The following TENM2 variants were observed in gnomAD, a reference collection of about 807,000 sequenced individuals.
The protein encoded by TENM2 is teneurin transmembrane protein 2, also known as teneurin-2.
Under a neutral mutation model 245.2 loss-of-function variants are expected in TENM2, and 52 were observed. The ratio of observed to expected loss-of-function variants is 0.21; its 90% CI spans 0.17 to 0.27. The LOEUF is 0.27. Among genes scored for constraint, TENM2 ranks in the 10% least tolerant of loss-of-function variants. TENM2 has a pLI of 1.00. For synonymous variants in TENM2, 1,363 were observed against 1,438.9 expected, an observed-to-expected ratio of 0.95 and a Z score of 1.19; for missense variants, 3,046 against 3,666.8, an observed-to-expected ratio of 0.83 and a Z score of 4.37.
chr5:167,933,999 G>A (rs929505627), intron 3 of TENM2, among the ~76,000 whole-genome samples: 6 of 152,186 alleles, frequency 3.9e-5, no homozygotes, highest in African/African-American at 1.2e-4. Flanking sequence ...GTGTGCCAAA[G>A]GAGATGACAG....
intron 20 of TENM2, among the ~76,000 whole-genome samples, chr5:168,213,778 G>A (rs1762969130): frequency 6.6e-6 from 1 of 152,184 alleles, no homozygotes; most frequent in Non-Finnish European, 1.5e-5. Flanking sequence ...AGGCTGCAGT[G>A]AGCTAGAATT....
chr5:167,538,089 C>T (rs1436051410), intron 2 of TENM2, among the ~76,000 whole-genome samples: 4 of 152,150 alleles, frequency 2.6e-5, no homozygotes, highest in South Asian at 2.1e-4. Context: ...CTTGCCTCAT[C>T]GGCAAAATGG....
chr5:168,068,526 T>G (rs1262387381), intron 7 of TENM2, among the ~76,000 whole-genome samples: 1 of 152,136 alleles, frequency 6.6e-6, no homozygotes, highest in Non-Finnish European at 1.5e-5. Context: ...TGTATATGTA[T>G]GTTTGTGTAT....
the TENM2 span, among the ~76,000 whole-genome samples, chr5:167,155,299 A>G: frequency 6.6e-6 from 1 of 152,214 alleles, no homozygotes; most frequent in Non-Finnish European, 1.5e-5. Flanking sequence ...CCTGTGTCCC[A>G]AAAATATTAA....
the TENM2 span, among the ~76,000 whole-genome samples, chr5:167,142,585 C>T: frequency 6.6e-6 from 1 of 152,124 alleles, no homozygotes; most frequent in African/African-American, 2.4e-5. Flanking sequence ...GAGTCTCACT[C>T]TTTCACCCAG....
intron 4 of TENM2, among the ~76,000 whole-genome samples, chr5:167,964,174 T>G (rs1326364525): frequency 6.6e-6 from 1 of 152,216 alleles, no homozygotes; most frequent in Non-Finnish European, 1.5e-5. Flanking sequence ...AGTGACAAGG[T>G]GAGAAATCTT....
At chr5:167,490,474 C>G (rs1768360251) in intron 2 of TENM2, among the ~76,000 whole-genome samples, 1 of 151,946 alleles carries the variant, frequency 6.6e-6, no homozygotes, top group South Asian at 2.1e-4. Context: ...ATTTGCATGT[C>G]TTCTTTCATG....
the TENM2 span, among the ~76,000 whole-genome samples, chr5:167,204,898 G>C: frequency 5.3e-5 from 8 of 152,224 alleles, no homozygotes; most frequent in South Asian, 1.7e-3. Context: ...AAAGAGACTG[G>C]GTTAACTGAA....
At chr5:167,395,377 G>A (rs1314824696) in intron 2 of TENM2, among the ~76,000 whole-genome samples, 3 of 152,102 alleles carry the variant, frequency 2.0e-5, no homozygotes, top group Non-Finnish European at 4.4e-5. Context: ...GTTCTAACAG[G>A]TTGTGGGGTT....
intron 2 of TENM2, among the ~76,000 whole-genome samples, chr5:167,708,096 G>A (rs1425949209): frequency 2.6e-5 from 4 of 152,146 alleles, no homozygotes; most frequent in Non-Finnish European, 5.9e-5. Flanking sequence ...GATCTTATCT[G>A]AAATTCTGAT....
At chr5:167,705,692 A>G (rs1758456253) in intron 2 of TENM2, among the ~76,000 whole-genome samples, 1 of 152,060 alleles carries the variant, frequency 6.6e-6, no homozygotes, top group Non-Finnish European at 1.5e-5. Flanking sequence ...TAGGCTTATA[A>G]AGCAAAGAGA....
chr5:168,204,503 A>G, exon 19 of TENM2: 1 of 1,613,998 alleles, frequency 6.2e-7, no homozygotes, highest in Non-Finnish European at 8.5e-7. Context: ...TGAAGGCAAC[A>G]AGCTGCTGGC....
chr5:167,408,948 A>G lies in TENM2; in HGVS notation c.502+33475A>G, dbSNP rs538373365. ...GTATTTTCTCCCAAATCTAATATAT[A>G]TATATATATATACACACACACACAT... On this transcript the variant is annotated intron_variant, in intron 2 of 28. Coordinates refer to ENST00000518659, the Ensembl canonical transcript of TENM2. 2.0e-3 allele frequency among the ~76,000 whole-genome samples: 295 copies of G among 150,970 alleles called. 2 individuals are homozygous for G. Among genetic ancestry groups the G allele is most frequent in the South Asian group, 0.012 (58 of 4,810 alleles).
chr5:167,743,114 C>T (rs1761307279), intron 2 of TENM2, among the ~76,000 whole-genome samples: 1 of 152,184 alleles, frequency 6.6e-6, no homozygotes, highest in South Asian at 2.1e-4. Context: ...ACATGGTTGT[C>T]TTTTGTCTTT....
At chr5:167,251,044 T>C in the TENM2 span, among the ~76,000 whole-genome samples, 4 of 152,108 alleles carry the variant, frequency 2.6e-5, no homozygotes, top group Admixed American at 6.5e-5. Flanking sequence ...GCATTCTCTA[T>C]AGGCACAACT....
At chr5:168,093,516 G>A (rs1477342034) in intron 8 of TENM2, among the ~76,000 whole-genome samples, 3 of 152,170 alleles carry the variant, frequency 2.0e-5, no homozygotes, top group Admixed American at 6.5e-5. Context: ...GTAAACCCCC[G>A]TGATGTGAAA....
the TENM2 span, among the ~76,000 whole-genome samples, chr5:167,170,696 C>T: frequency 3.0e-4 from 45 of 152,172 alleles, no homozygotes; most frequent in Non-Finnish European, 5.4e-4. Flanking sequence ...TCTTTAATCC[C>T]TCTTCGTTTT....
intron 2 of TENM2, among the ~76,000 whole-genome samples, chr5:167,793,829 A>G (rs535526750): frequency 7.0e-6 from 1 of 143,856 alleles, no homozygotes; most frequent in African/African-American, 2.5e-5. Flanking sequence ...AACCCTGTCT[A>G]AAAAAAAAAA....
At chr5:167,419,589 A>G (rs1418814768) in intron 2 of TENM2, among the ~76,000 whole-genome samples, 1 of 152,214 alleles carries the variant, frequency 6.6e-6, no homozygotes, top group Admixed American at 6.5e-5. Flanking sequence ...AGAATGACTG[A>G]AACAAAGTGA....
Sources: gnomAD v4.1 joint callset for allele counts (sites outside exome capture counted in the v4.1 genomes callset) on GRCh38, gnomAD v4.1.1 for gene constraint, MANE v1.5 for transcripts, NCBI Gene and HGNC (gene_info 2026-07-23, HGNC 2026-07-21) for gene names.